The following SOS2 variants were observed in gnomAD, a reference collection of about 807,000 sequenced individuals.
The protein encoded by SOS2 is son of sevenless homolog 2.
SOS2 carries 65 observed loss-of-function variants against 148.2 expected under a neutral mutation model. The ratio of observed to expected loss-of-function variants is 0.44; its 90% confidence interval spans 0.36 to 0.54. SOS2 has a LOEUF of 0.54. SOS2 is among the 20% of genes least tolerant of loss of function. The pLI is 0.00. For synonymous variants in SOS2, 539 were observed against 537.1 expected (o/e 1.00, Z -0.05); for missense variants, 1,341 against 1,590.2 (o/e 0.84, Z 2.67).
rs7140659 is a variant in SOS2 at position 50,128,344 on chromosome 14, C to G, written c.3379+1617G>C. ...ACGAAAAGAAAAGAAAAAGGAAAACCCTGCTAGGTTCCCTGATTTGCCTGA... is the reference window on the plus strand; with the variant it reads ...ACGAAAAGAAAAGAAAAAGGAAAACGCTGCTAGGTTCCCTGATTTGCCTGA... On this transcript the variant is annotated intron_variant, in intron 21 of 22. Transcript: ENST00000216373. Among the ~76,000 whole-genome samples the G allele has an allele frequency of 5.0e-3, 761 of 152,214 alleles. 5 individuals are homozygous for G. Among genetic ancestry groups the G allele is most frequent in the African/African-American group, 0.016 (683 of 41,518 alleles).
At chr14:50,219,575 G>C (rs1248359323) in intron 1 of SOS2, among the ~76,000 whole-genome samples, 4 of 152,128 alleles carry the variant, frequency 2.6e-5, no homozygotes, top group Non-Finnish European at 5.9e-5. Flanking sequence ...AATTTATGGG[G>C]CTGAAGGATA....
chr14:50,220,112 T>A (rs1263203750), intron 1 of SOS2, among the ~76,000 whole-genome samples: 1 of 151,212 alleles, frequency 6.6e-6, no homozygotes. Flanking sequence ...GAACAGACCC[T>A]GCATTGGGCC....
intron 1 of SOS2, among the ~76,000 whole-genome samples, chr14:50,222,224 T>C (rs1447703755): frequency 6.6e-6 from 1 of 152,202 alleles, no homozygotes; most frequent in East Asian, 1.9e-4. Context: ...ACTGCAACTA[T>C]TTAAATGTAA....
chr14:50,225,112 T>A (rs542718088), intron 1 of SOS2, among the ~76,000 whole-genome samples: 5 of 152,172 alleles, frequency 3.3e-5, no homozygotes. Flanking sequence ...TATATTCTTA[T>A]GTAAAAGAAG....
rs184487790 is a variant in SOS2, at chr14:50,128,462, G to A, written c.3379+1499C>T. Among the ~76,000 whole-genome samples, 395 of 152,084 alleles carry A rather than the reference G, an allele frequency of 2.6e-3. 1 individual carries two copies. Among genetic ancestry groups the A allele is most frequent in the Non-Finnish European group, 3.1e-3 (209 of 67,984 alleles). ...AACAAACAAATCTAAACATTAATGA[G>A]GCAATTATGAACTCCAGGAAACAGA... is the stretch of plus-strand genomic sequence containing the variant. On this transcript the variant is annotated intron_variant, in intron 21 of 22. Transcript: ENST00000216373.
chr14:50,218,541 C>A (rs1285305520), intron 1 of SOS2, among the ~76,000 whole-genome samples: 1 of 151,332 alleles, frequency 6.6e-6, no homozygotes, highest in East Asian at 1.9e-4. Context: ...AAAACAAAAA[C>A]AAAAACAAAA....
intron 1 of SOS2, among the ~76,000 whole-genome samples, chr14:50,223,673 AAAAC>A (rs986763291): frequency 4.0e-5 from 6 of 151,816 alleles, no homozygotes; most frequent in South Asian, 2.1e-4. Flanking sequence ...GACTCCATCT[AAAAC>A]AAACAAACAA....
In SOS2 at chr14:50,174,460, T is replaced by C; in HGVS notation, c.1062A>G (p.Leu354=). ...PVYHCWHYFE[L]LKQLKACSEE... Reference sequence around the variant, plus strand: ...TTCTGTTATAAAACCTTACCTTTAGTAACTCAAAGTAGTGCCAACAGTGAT... The same window carrying C: ...TTCTGTTATAAAACCTTACCTTTAGCAACTCAAAGTAGTGCCAACAGTGAT... The change falls in exon 8 of 23, where the codon TTA becomes TTG. Residue 354 remains leucine (L), a synonymous_variant. Transcript: ENST00000216373. 3 of 1,572,774 alleles carry C rather than the reference T, an allele frequency of 1.9e-6. No homozygotes were observed. The highest frequency in any genetic ancestry group is 2.6e-6 in the Non-Finnish European group (3 of 1,149,586).
chr14:50,184,323 T>C (rs948215328), intron 5 of SOS2, among the ~76,000 whole-genome samples: 8 of 152,234 alleles, frequency 5.3e-5, no homozygotes, highest in Non-Finnish European at 8.8e-5. Flanking sequence ...AGACCTGAGC[T>C]TGGATCCTGG....
At chr14:50,228,288 C>A (rs1245842252) in intron 1 of SOS2, among the ~76,000 whole-genome samples, 1 of 152,074 alleles carries the variant, frequency 6.6e-6, no homozygotes, top group South Asian at 2.1e-4. Flanking sequence ...AGTTGATCCA[C>A]CAGCCTCAGC....
At chr14:50,182,744 G>C in intron 5 of SOS2, 138 bp from the exon 6 acceptor site, 1 of 649,576 alleles carries the variant, frequency 1.5e-6, no homozygotes, top group Non-Finnish European at 2.6e-6. Context: ...CAGTACTTTT[G>C]CTGCTGCTGT....
At chr14:50,132,624 G>A (rs1256255253) in intron 19 of SOS2, among the ~76,000 whole-genome samples, 13 of 152,002 alleles carry the variant, frequency 8.6e-5, no homozygotes, top group Admixed American at 8.5e-4. Context: ...TTGCACCACT[G>A]TACTCCAGCC....
chr14:50,221,437 C>T (rs1298637663), intron 1 of SOS2, among the ~76,000 whole-genome samples: 1 of 152,182 alleles, frequency 6.6e-6, no homozygotes, highest in East Asian at 1.9e-4. Flanking sequence ...TCCTTTTATA[C>T]CTGTTTTCAC....
intron 21 of SOS2, among the ~76,000 whole-genome samples, chr14:50,126,016 C>A (rs1269014492): frequency 6.6e-6 from 1 of 152,172 alleles, no homozygotes; most frequent in African/African-American, 2.4e-5. Flanking sequence ...AAAAAATTAT[C>A]ATTCCATCAC....
chr14:50,160,146 T>A, intron 9 of SOS2, 60 bp from the exon 10 acceptor site: 1 of 1,297,460 alleles, frequency 7.7e-7, no homozygotes, highest in South Asian at 1.4e-5. Flanking sequence ...GTTTCAAGCA[T>A]AAACCATCTC....
At chr14:50,179,445 C>A (rs776637534) in intron 7 of SOS2, among the ~76,000 whole-genome samples, 7 of 151,970 alleles carry the variant, frequency 4.6e-5, no homozygotes, top group African/African-American at 7.3e-5. Context: ...AGTGCAGTGG[C>A]GTGATCATGA....
At position 50,169,631 on chromosome 14, in the gene SOS2, CCG is replaced by C. The variant is rs949221864; in HGVS notation, c.1068+4821_1068+4822del. ...CTCCAGCCTGGGTGACAGAGTGAGA[CCG>C]TGCCTCAAAAAACAAACAAAGTACA... On this transcript the variant is annotated intron_variant, in intron 8 of 22. Coordinates refer to ENST00000216373, the MANE Select transcript of SOS2 (RefSeq NM_006939.4). 5.3e-5 allele frequency among the ~76,000 whole-genome samples: 8 copies of C among 152,162 alleles called. 1 individual carries two copies. The highest frequency in any genetic ancestry group is 1.9e-4 in the African/African-American group (8 of 41,528).
chr14:50,198,162 A>T (rs1330780343), intron 4 of SOS2, among the ~76,000 whole-genome samples: 1 of 152,216 alleles, frequency 6.6e-6, no homozygotes, highest in African/African-American at 2.4e-5. Flanking sequence ...TTTGAAAGTT[A>T]GATGGTATAA....
In SOS2 at chr14:50,134,186, T is replaced by C. The variant is rs1883998541; in HGVS notation, c.3012A>G (p.Thr1004=). The C allele has an allele frequency of 6.2e-7, 1 of 1,610,132 alleles. No homozygotes were observed. The highest frequency in any genetic ancestry group is 8.5e-7 in the Non-Finnish European group (1 of 1,176,984). Residue 1004 remains threonine, a synonymous_variant, in exon 19 of 23, where the codon ACA becomes ACG. Coordinates refer to ENST00000216373, the MANE Select transcript of SOS2 (RefSeq NM_006939.4). ...CTAGTGACTTGTTGAACAAATAATC[T>C]GTAAACTCTTTTTCAGATGCACTTC... ...PMGSASEKEF[T]DYLFNKSLEI...
Sources: allele counts gnomAD v4.1 joint callset (sites outside exome capture counted in the v4.1 genomes callset), GRCh38; gene constraint gnomAD v4.1.1; transcripts MANE v1.5; gene names NCBI Gene and HGNC (gene_info 2026-07-23, HGNC 2026-07-21).